TTC23L: variants seen among roughly 807,000 people sequenced by gnomAD.
The protein encoded by TTC23L is tetratricopeptide repeat protein 23-like.
TTC23L carries 42 observed loss-of-function variants against 48.1 expected under a neutral mutation model. The observed-to-expected ratio is 0.87, with a 90% CI of 0.68 to 1.13. The LOEUF (loss-of-function observed/expected upper bound fraction) is 1.13. TTC23L is among the 50% of genes most tolerant of loss of function. The probability of loss-of-function intolerance (pLI) is 0.00; values close to 1 mark genes in which losing one functional copy is unlikely to be tolerated. For missense variants in TTC23L, 391 were observed against 421.0 expected (o/e 0.93, Z 0.62); for synonymous variants, 159 against 157.2 (o/e 1.01, Z -0.09).
At chr5:34,892,481 T>C (rs758507828) in intron 9 of TTC23L, among the ~76,000 whole-genome samples, 4 of 152,220 alleles carry the variant, frequency 2.6e-5, no homozygotes, top group Non-Finnish European at 5.9e-5. Context: ...TGTACATTTC[T>C]AGCTCATTTA....
chr5:34,902,772 T>C (rs1010904954), downstream of TTC23L, among the ~76,000 whole-genome samples: 1 of 152,144 alleles, frequency 6.6e-6, no homozygotes, highest in African/African-American at 2.4e-5. Context: ...AAAGCAGCTA[T>C]ATATTCCATT....
chr5:34,850,069 G>T, intron 3 of TTC23L, 116 bp from the exon 4 acceptor site: 2 of 1,221,766 alleles, frequency 1.6e-6, no homozygotes, highest in South Asian at 2.8e-5. Flanking sequence ...GGATGAGAAG[G>T]AAAGAGAAGA....
At position 34,873,958 on chromosome 5, in the gene TTC23L, A is replaced by G. The variant is rs183158862; in HGVS notation, c.949+4945A>G. 1.1e-4 allele frequency among the ~76,000 whole-genome samples: 17 copies of G among 152,322 alleles called. No homozygotes were observed. In the East Asian group the frequency reaches 2.5e-3, roughly 22 times the overall value. ...GGAGTGAACCCCAGAAATCCAGATT[A>G]AAAATAATAAGCACTAAAATCTGAG... is the stretch of plus-strand genomic sequence containing the variant. On this transcript the variant is annotated intron_variant, in intron 8 of 10. Transcript: ENST00000505624.
chr5:34,859,840 C>CTTTTTTTTTTTTTTTTTTTTTT (rs10590697), intron 4 of TTC23L, among the ~76,000 whole-genome samples: 2 of 95,364 alleles, frequency 2.1e-5, no homozygotes, highest in African/African-American at 3.5e-5. Context: ...TTTTCTTCTT[C>CTTTTTTTTTTTTTTTTTTTTTT]TTTTTTTTTT....
intron 8 of TTC23L, among the ~76,000 whole-genome samples, chr5:34,879,643 CA>C (rs1437175704): frequency 1.3e-5 from 2 of 151,882 alleles, no homozygotes; most frequent in Admixed American, 1.3e-4. Context: ...TTTTTTGCTA[CA>C]AAAAATTCCA....
At chr5:34,896,071 A>T (rs1399065310) in intron 9 of TTC23L, among the ~76,000 whole-genome samples, 2 of 152,192 alleles carry the variant, frequency 1.3e-5, no homozygotes, top group African/African-American at 4.8e-5. Context: ...GACTAGCTGG[A>T]GGCATTGGGG....
intron 9 of TTC23L, among the ~76,000 whole-genome samples, chr5:34,894,939 CAAT>C (rs1763114954): frequency 6.6e-6 from 1 of 151,782 alleles, no homozygotes; most frequent in South Asian, 2.1e-4. Flanking sequence ...ATGAAGATGA[CAAT>C]GATTGCAGAT....
rs1026375064 is a variant in TTC23L at position 34,847,774 on chromosome 5, T to G, written c.255+2101T>G. Among the ~76,000 whole-genome samples the G allele has an allele frequency of 4.6e-5, 7 of 152,184 alleles. No individual in the cohort carries two copies. The East Asian group carries it at 1.3e-3, about 29-fold the overall frequency. ...AAAAAATGCTGACTAAATGGATGTT[T>G]TGGAAGCATCAGGGGAAGTTTCCTT... On this transcript the variant is annotated intron_variant, in intron 3 of 10. Transcript: ENST00000505624.
At chr5:34,852,013 A>G (rs1263536531) in intron 4 of TTC23L, among the ~76,000 whole-genome samples, 1 of 152,134 alleles carries the variant, frequency 6.6e-6, no homozygotes, top group African/African-American at 2.4e-5. Flanking sequence ...GTCTTTGAAG[A>G]ATGAGAATAG....
intron 2 of TTC23L, among the ~76,000 whole-genome samples, chr5:34,842,879 G>T (rs139151340): frequency 1.5e-4 from 23 of 152,196 alleles, no homozygotes; most frequent in African/African-American, 5.3e-4. Flanking sequence ...AGGCTGGAGC[G>T]CAGTGGTGTG....
intron 8 of TTC23L, among the ~76,000 whole-genome samples, chr5:34,877,361 CT>C (rs796888113): frequency 0.2 from 24,416 of 121,022 alleles, 1,954 homozygotes; most frequent in Middle Eastern, 0.27. Context: ...CACCATTGTT[CT>C]TTTTTTTTTT....
In TTC23L at chr5:34,871,122, A is replaced by G. The variant is rs1458237179; in HGVS notation, c.949+2109A>G. 5.9e-5 allele frequency among the ~76,000 whole-genome samples: 9 copies of G among 152,320 alleles called. No individual in the cohort carries two copies. In the East Asian group the frequency reaches 1.7e-3, roughly 29 times the overall value. ...GCAAATGCAAGAAGGCAAGAAAAAT[A>G]AAATGGTCCCTATTTGCAGTCAAAA... is the stretch of plus-strand genomic sequence containing the variant. On this transcript the variant is annotated intron_variant, in intron 8 of 10. Transcript: ENST00000505624.
At chr5:34,924,106 C>T in the TTC23L span, among the ~76,000 whole-genome samples, 4 of 152,198 alleles carry the variant, frequency 2.6e-5, no homozygotes, top group South Asian at 6.2e-4. Context: ...TCAATGGCAG[C>T]GGTTAGATGA....
At chr5:34,889,927 C>T (rs1412643066) in intron 9 of TTC23L, among the ~76,000 whole-genome samples, 1 of 151,926 alleles carries the variant, frequency 6.6e-6, no homozygotes, top group Non-Finnish European at 1.5e-5. Context: ...CAACCTCCAC[C>T]TCCCGAGTTC....
At chr5:34,912,714 C>A in the TTC23L span, among the ~76,000 whole-genome samples, 4 of 151,916 alleles carry the variant, frequency 2.6e-5, no homozygotes, top group African/African-American at 9.7e-5. Flanking sequence ...GAAAATCATT[C>A]GGCAACCGGT....
chr5:34,888,518 C>T, intron 9 of TTC23L: 1 of 985,346 alleles, frequency 1.0e-6, no homozygotes, highest in Non-Finnish European at 1.2e-6. Context: ...GACAAAGAGC[C>T]TCCTTACCCT....
chr5:34,886,372 A>AAAC (rs1209108153), intron 9 of TTC23L, among the ~76,000 whole-genome samples: 5 of 151,798 alleles, frequency 3.3e-5, no homozygotes, highest in East Asian at 1.9e-4. Flanking sequence ...TTAAAAAAAA[A>AAAC]AAAAAAAAAA....
intron 8 of TTC23L, among the ~76,000 whole-genome samples, chr5:34,873,279 C>T (rs891739663): frequency 2.6e-5 from 4 of 152,150 alleles, no homozygotes; most frequent in East Asian, 1.9e-4. Flanking sequence ...AAATCATATC[C>T]ACACATACAT....
intron 3 of TTC23L, among the ~76,000 whole-genome samples, chr5:34,846,659 ATGTGTGTATGTGTGTGTGTGTGTGTGTG>A (rs1165601807): frequency 1.0e-4 from 7 of 69,184 alleles, no homozygotes; most frequent in African/African-American, 2.4e-4. Context: ...AAATACATAT[ATGTGTGTATGTGTGTGTGTGTGTGTGTG>A]TGTGTGTGTG....
Sources: allele counts gnomAD v4.1 joint callset (sites outside exome capture counted in the v4.1 genomes callset), GRCh38; gene constraint gnomAD v4.1.1; transcripts MANE v1.5; gene names NCBI Gene and HGNC (gene_info 2026-07-23, HGNC 2026-07-21).